The following CSMD1 variants were observed in gnomAD, a reference collection of about 807,000 sequenced individuals.
The protein encoded by CSMD1 is CUB and Sushi multiple domains 1, also known as CUB and sushi domain-containing protein 1.
Under a neutral mutation model 417.5 loss-of-function variants are expected in CSMD1, and 213 were observed. The ratio of observed to expected loss-of-function variants is 0.51; its 90% confidence interval spans 0.46 to 0.57. CSMD1 has a LOEUF of 0.57. Among genes scored for constraint, CSMD1 ranks in the 20% least tolerant of loss-of-function variants. CSMD1 has a pLI of 0.00. For missense variants in CSMD1, 6,923 were observed against 4,529.7 expected (o/e 1.53, Z -15.17); for synonymous variants, 2,862 against 1,736.8 (o/e 1.65, Z -16.11).
At chr8:4,201,751 G>A (rs1160892056) in intron 3 of CSMD1, among the ~76,000 whole-genome samples, 1 of 151,932 alleles carries the variant, frequency 6.6e-6, no homozygotes, top group African/African-American at 2.4e-5. Flanking sequence ...TGGATACATG[G>A]ACTCTTGAGA....
Position 3,879,244 on chromosome 8 carries a change from T to C in CSMD1, c.818+118659A>G, listed in dbSNP as rs969926705. Among the ~76,000 whole-genome samples the C allele has an allele frequency of 5.9e-5, 9 of 152,194 alleles. No individual in the cohort carries two copies. In the East Asian group the frequency reaches 1.2e-3, roughly 20 times the overall value. ...TATTTATACACTATACCTGTGTATA[T>C]AGGATTGTATATTACATACTGTTCA... On this transcript the variant is annotated intron_variant, in intron 5 of 69. Transcript: ENST00000635120.
chr8:3,857,709 G>C (rs913375170), intron 5 of CSMD1, among the ~76,000 whole-genome samples: 4 of 152,160 alleles, frequency 2.6e-5, no homozygotes, highest in Non-Finnish European at 5.9e-5. Context: ...CAAATACCAG[G>C]TGTGATGATC....
chr8:3,829,792 G>T (rs1164767211), intron 5 of CSMD1, among the ~76,000 whole-genome samples: 1 of 152,060 alleles, frequency 6.6e-6, no homozygotes, highest in Non-Finnish European at 1.5e-5. Flanking sequence ...ATTGAATGAG[G>T]TTTTCCAACA....
At chr8:4,529,082 T>C (rs893226539) in intron 2 of CSMD1, among the ~76,000 whole-genome samples, 1 of 152,144 alleles carries the variant, frequency 6.6e-6, no homozygotes, top group Non-Finnish European at 1.5e-5. Context: ...GATCAGAGGA[T>C]AAAGAACTCT....
intron 3 of CSMD1, among the ~76,000 whole-genome samples, chr8:4,411,890 C>T (rs1288514700): frequency 6.6e-6 from 1 of 152,002 alleles, no homozygotes; most frequent in Non-Finnish European, 1.5e-5. Flanking sequence ...GTACCATGCA[C>T]ATCTTCTGAG....
chr8:3,937,424 C>T (rs942464544), intron 5 of CSMD1, among the ~76,000 whole-genome samples: 22 of 152,306 alleles, frequency 1.4e-4, no homozygotes, highest in Admixed American at 1.2e-3. Context: ...CCTCAATTCT[C>T]AGCAACTACC....
intron 1 of CSMD1, among the ~76,000 whole-genome samples, chr8:4,917,719 C>T (rs1034326125): frequency 6.6e-6 from 1 of 152,058 alleles, no homozygotes; most frequent in Admixed American, 6.6e-5. Context: ...CAGTGGGAAC[C>T]CTAGAATGTG....
chr8:4,449,335 G>C (rs998030893), intron 2 of CSMD1, among the ~76,000 whole-genome samples: 12 of 152,128 alleles, frequency 7.9e-5, no homozygotes, highest in African/African-American at 2.9e-4. Flanking sequence ...GTCTTCATTG[G>C]TTTTAAGCCT....
chr8:4,627,864 G>A (rs1802212043), intron 2 of CSMD1, among the ~76,000 whole-genome samples: 2 of 152,078 alleles, frequency 1.3e-5, no homozygotes, highest in Admixed American at 6.6e-5. Flanking sequence ...TTTCACCCTT[G>A]GCATTTCTGA....
intron 41 of CSMD1, among the ~76,000 whole-genome samples, chr8:3,136,319 T>C (rs1349794720): frequency 6.7e-6 from 1 of 150,064 alleles, no homozygotes; most frequent in Non-Finnish European, 1.5e-5. Context: ...TGCAATGGCA[T>C]GATCTCGGCT....
intron 6 of CSMD1, among the ~76,000 whole-genome samples, chr8:3,726,005 G>A (rs1170893593): frequency 2.0e-5 from 3 of 152,156 alleles, no homozygotes; most frequent in Admixed American, 6.5e-5. Flanking sequence ...CCGGGTCACT[G>A]CAAGTTCCTG....
chr8:4,101,874 C>A (rs547232598), intron 3 of CSMD1, among the ~76,000 whole-genome samples: 2 of 152,150 alleles, frequency 1.3e-5, no homozygotes, highest in African/African-American at 4.8e-5. Flanking sequence ...AATTGCCCAT[C>A]ATCTTGTTAA....
rs147986144 is a variant in CSMD1, at chr8:3,908,774, A to T, written c.818+89129T>A. 1.8e-3 allele frequency among the ~76,000 whole-genome samples: 271 copies of T among 152,326 alleles called. 2 individuals carry two copies. Among genetic ancestry groups the T allele is most frequent in the African/African-American group, 6.2e-3 (257 of 41,566 alleles). Reference sequence around the variant, plus strand: ...AAAGGCACCAAACTGGCTTACAGGCATTAGGGGCAATTCTGGATTCTTAGC... The same window carrying T: ...AAAGGCACCAAACTGGCTTACAGGCTTTAGGGGCAATTCTGGATTCTTAGC... On this transcript the variant is annotated intron_variant, in intron 5 of 69. Coordinates refer to ENST00000635120, the MANE Select transcript of CSMD1 (RefSeq NM_033225.6).
rs978194587 is a variant in CSMD1 at position 4,170,550 on chromosome 8, G to A, written c.416-138451C>T. Among the ~76,000 whole-genome samples, 7 of 151,908 alleles carry A rather than the reference G, an allele frequency of 4.6e-5. 1 individual carries two copies. The highest frequency in any genetic ancestry group is 2.1e-4 in the South Asian group (1 of 4,820). ...GTCTATAGTCGGAGTATTGGAATATGGAACATGGACAATGGATGAAAACCT... is the reference window on the plus strand; with the variant it reads ...GTCTATAGTCGGAGTATTGGAATATAGAACATGGACAATGGATGAAAACCT... On this transcript the variant is annotated intron_variant, in intron 3 of 69. Transcript: ENST00000635120.
intron 1 of CSMD1, among the ~76,000 whole-genome samples, chr8:4,666,304 G>T (rs191486051): frequency 6.6e-6 from 1 of 152,122 alleles, no homozygotes; most frequent in African/African-American, 2.4e-5. Flanking sequence ...AGATGATTTT[G>T]GAATAGCCAG....
intron 39 of CSMD1, among the ~76,000 whole-genome samples, chr8:3,153,846 T>A (rs543630305): frequency 6.6e-6 from 1 of 152,326 alleles, no homozygotes; most frequent in Middle Eastern, 3.4e-3. Context: ...ACCTAATTAC[T>A]TGAGAGCTTA....
intron 23 of CSMD1, among the ~76,000 whole-genome samples, chr8:3,339,443 G>C (rs1807497533): frequency 1.3e-5 from 2 of 152,238 alleles, no homozygotes; most frequent in South Asian, 2.1e-4. Flanking sequence ...AGCATTCCCT[G>C]GGTGATTTGG....
At chr8:4,282,914 G>C (rs992528033) in intron 3 of CSMD1, among the ~76,000 whole-genome samples, 1 of 152,052 alleles carries the variant, frequency 6.6e-6, no homozygotes, top group Non-Finnish European at 1.5e-5. Context: ...ACAGTTCATT[G>C]CTGTATAAAC....
intron 2 of CSMD1, among the ~76,000 whole-genome samples, chr8:4,622,440 A>G (rs1801837450): frequency 6.6e-6 from 1 of 152,040 alleles, no homozygotes; most frequent in African/African-American, 2.4e-5. Flanking sequence ...TATGGAGATG[A>G]TTGTCACTGG....
Sources: gnomAD v4.1 joint callset for allele counts (sites outside exome capture counted in the v4.1 genomes callset) on GRCh38, gnomAD v4.1.1 for gene constraint, MANE v1.5 for transcripts, NCBI Gene and HGNC (gene_info 2026-07-23, HGNC 2026-07-21) for gene names.